The following AP1S3 variants were observed in gnomAD, a reference collection of about 807,000 sequenced individuals.
AP1S3 encodes the protein adaptor related protein complex 1 subunit sigma 3.
A neutral mutation model predicts 20.9 loss-of-function variants in AP1S3; 10 were observed. The observed-to-expected ratio is 0.48, with a 90% CI of 0.29 to 0.81. The LOEUF (loss-of-function observed/expected upper bound fraction) is 0.81. Ranked by LOEUF, AP1S3 falls within the 30% of genes least tolerant of loss-of-function variation. AP1S3 has a pLI of 0.08. For missense variants in AP1S3, 154 were observed against 183.8 expected, an observed-to-expected ratio of 0.84 and a Z score of 0.94; for synonymous variants, 41 against 61.5, an observed-to-expected ratio of 0.67 and a Z score of 1.56.
intron 4 of AP1S3, among the ~76,000 whole-genome samples, chr2:223,759,683 T>C (rs562462592): frequency 1.3e-5 from 2 of 152,346 alleles, no homozygotes; most frequent in African/African-American, 2.4e-5. Context: ...ACGTGTATCA[T>C]GGGGATTTGT....
intron 1 of AP1S3, among the ~76,000 whole-genome samples, chr2:223,793,471 A>G (rs1691255601): frequency 6.6e-6 from 1 of 152,186 alleles, no homozygotes; most frequent in Admixed American, 6.5e-5. Flanking sequence ...CGAACGCAGA[A>G]ACAAAAAACC....
intron 1 of AP1S3, among the ~76,000 whole-genome samples, chr2:223,810,441 T>C (rs1691697609): frequency 6.6e-6 from 1 of 152,146 alleles, no homozygotes; most frequent in South Asian, 2.1e-4. Flanking sequence ...CCCAAGTAGC[T>C]GGGACTACAG....
At chr2:223,808,804 A>G (rs1365849374) in intron 1 of AP1S3, among the ~76,000 whole-genome samples, 1 of 152,130 alleles carries the variant, frequency 6.6e-6, no homozygotes. Context: ...CCAGGAGTTC[A>G]AGACCAGCCT....
intron 1 of AP1S3, among the ~76,000 whole-genome samples, chr2:223,805,679 T>C (rs1422772351): frequency 6.6e-6 from 1 of 152,222 alleles, no homozygotes; most frequent in Non-Finnish European, 1.5e-5. Flanking sequence ...TAACTTCTTA[T>C]ACGTCTTAAC....
intron 4 of AP1S3, among the ~76,000 whole-genome samples, chr2:223,759,095 C>T (rs1029319810): frequency 1.3e-5 from 2 of 151,972 alleles, no homozygotes; most frequent in Non-Finnish European, 2.9e-5. Flanking sequence ...GCCTGGCCAA[C>T]ATGACAAAAC....
chr2:223,835,395 G>T (rs1296536294), intron 1 of AP1S3, among the ~76,000 whole-genome samples: 1 of 152,212 alleles, frequency 6.6e-6, no homozygotes, highest in Non-Finnish European at 1.5e-5. Flanking sequence ...GGTGGCTCAT[G>T]CCTGTAATGC....
At chr2:223,798,530 A>C (rs1411339992) in intron 1 of AP1S3, among the ~76,000 whole-genome samples, 1 of 152,244 alleles carries the variant, frequency 6.6e-6, no homozygotes, top group African/African-American at 2.4e-5. Context: ...TGAATTATTA[A>C]GTAGCCACTT....
chr2:223,826,769 T>C (rs1168983263), intron 1 of AP1S3, among the ~76,000 whole-genome samples: 1 of 152,032 alleles, frequency 6.6e-6, no homozygotes, highest in Non-Finnish European at 1.5e-5. Flanking sequence ...TCTTTCCACC[T>C]CAGTCTCCCA....
At chr2:223,807,867 CTTTTT>C (rs138805104) in intron 1 of AP1S3, among the ~76,000 whole-genome samples, 19 of 43,222 alleles carry the variant, frequency 4.4e-4, no homozygotes, top group Non-Finnish European at 4.6e-4. Context: ...CATTTCTTTT[CTTTTT>C]TTTTTTTTTT....
intron 1 of AP1S3, among the ~76,000 whole-genome samples, chr2:223,819,575 A>C (rs1691937831): frequency 6.6e-6 from 1 of 150,950 alleles, no homozygotes; most frequent in South Asian, 2.1e-4. Flanking sequence ...TGTTACAAAA[A>C]TACTGCTTCA....
At chr2:223,817,180 G>A (rs905502857) in intron 1 of AP1S3, among the ~76,000 whole-genome samples, 2 of 152,092 alleles carry the variant, frequency 1.3e-5, no homozygotes, top group African/African-American at 4.8e-5. Flanking sequence ...TATGAGAGGT[G>A]GTCCAGTCAA....
intron 3 of AP1S3, among the ~76,000 whole-genome samples, chr2:223,771,187 A>C (rs1373867111): frequency 1.3e-5 from 2 of 151,926 alleles, no homozygotes; most frequent in East Asian, 3.9e-4. Context: ...CATACAAAAA[A>C]TTAGCCAGGC....
chr2:223,787,610 C>A (rs1691107352), intron 1 of AP1S3, among the ~76,000 whole-genome samples: 1 of 152,194 alleles, frequency 6.6e-6, no homozygotes, highest in African/African-American at 2.4e-5. Context: ...TTGGGGGCAC[C>A]ATGTCCCTAG....
At chr2:223,775,306 G>A (rs569718241) in intron 3 of AP1S3, among the ~76,000 whole-genome samples, 10 of 152,306 alleles carry the variant, frequency 6.6e-5, no homozygotes, top group Admixed American at 2.0e-4. Flanking sequence ...GCAATGTGAA[G>A]GAAAAGGATT....
intron 1 of AP1S3, among the ~76,000 whole-genome samples, chr2:223,780,298 TATATATATATAGAGAGAGAG>T (rs1441789148): frequency 9.5e-4 from 51 of 53,546 alleles, no homozygotes; most frequent in African/African-American, 2.6e-3. Flanking sequence ...TATATATATA[TATATATATATAGAGAGAGAG>T]AGAGAGAGAG....
chr2:223,828,409 GC>G (rs1191541643), intron 1 of AP1S3, among the ~76,000 whole-genome samples: 1 of 148,244 alleles, frequency 6.7e-6, no homozygotes, highest in East Asian at 2.1e-4. Flanking sequence ...CGATTCTCTT[GC>G]CTCAGCCTCC....
intron 1 of AP1S3, among the ~76,000 whole-genome samples, chr2:223,829,437 G>T (rs998195661): frequency 6.6e-6 from 1 of 152,020 alleles, no homozygotes. Flanking sequence ...GACTAGCCTG[G>T]CCAACGTGGC....
chr2:223,819,695 A>C lies in AP1S3; in HGVS notation c.3+17753T>G, dbSNP rs531888557. Among the ~76,000 whole-genome samples, 8 of 152,244 alleles carry C rather than the reference A, an allele frequency of 5.3e-5. 1 individual carries two copies. The highest frequency in any genetic ancestry group is 1.9e-4 in the African/African-American group (8 of 41,570). ...GCATCCTTTTTGGCCATTTTTGCTC[A>C]AGGTCCTAAATTCTTAGTTTCCATA... On this transcript the variant is annotated intron_variant, in intron 1 of 4. Coordinates refer to ENST00000396654, the MANE Select transcript of AP1S3 (RefSeq NM_001039569.2).
At chr2:223,813,014 C>T (rs991390882) in intron 1 of AP1S3, among the ~76,000 whole-genome samples, 2 of 151,984 alleles carry the variant, frequency 1.3e-5, no homozygotes, top group African/African-American at 2.4e-5. Context: ...CTACAGCTTC[C>T]ACCTCCCAGA....
Sources: gnomAD v4.1 joint callset for allele counts (sites outside exome capture counted in the v4.1 genomes callset) on GRCh38, gnomAD v4.1.1 for gene constraint, MANE v1.5 for transcripts, NCBI Gene and HGNC (gene_info 2026-07-23, HGNC 2026-07-21) for gene names.